CHST12: variants seen among roughly 807,000 people sequenced by gnomAD.
CHST12 encodes carbohydrate (chondroitin 4) sulfotransferase 12.
In CHST12, 23 loss-of-function variants were observed where a neutral mutation model predicts 27.9. The observed-to-expected ratio is 0.82, with a 90% confidence interval of 0.59 to 1.17. The LOEUF (loss-of-function observed/expected upper bound fraction) is 1.17, where lower values mean the gene tolerates loss of function less well. CHST12 is among the 50% of genes most tolerant of loss of function. CHST12 has a pLI of 0.00. For synonymous variants in CHST12, 322 were observed against 273.0 expected (o/e 1.18, Z -1.77); for missense variants, 682 against 603.0 (o/e 1.13, Z -1.37).
chr7:2,403,941 G>A (rs1781452331), intron 1 of CHST12, among the ~76,000 whole-genome samples: 1 of 152,114 alleles, frequency 6.6e-6, no homozygotes, highest in Non-Finnish European at 1.5e-5. Flanking sequence ...TGATCAGCGC[G>A]TTCTGCGGCT....
chr7:2,410,559 G>C (rs959361385), intron 1 of CHST12, among the ~76,000 whole-genome samples: 2 of 152,152 alleles, frequency 1.3e-5, no homozygotes, highest in Non-Finnish European at 2.9e-5. Flanking sequence ...CTGCTATGAA[G>C]AAAACCAGGG....
chr7:2,422,865 C>T (rs1782013809), intron 1 of CHST12, among the ~76,000 whole-genome samples: 1 of 148,302 alleles, frequency 6.7e-6, no homozygotes, highest in Non-Finnish European at 1.5e-5. Context: ...CTTCAGAAAA[C>T]CTTTTTTTTT....
chr7:2,411,513 C>T (rs1397164115), intron 1 of CHST12, among the ~76,000 whole-genome samples: 3 of 5,216 alleles, frequency 5.8e-4, no homozygotes, highest in African/African-American at 4.0e-3. Context: ...TTTTTTGAGA[C>T]GGAGTCTCAC....
Position 2,432,628 on chromosome 7 carries a change from G to T in CHST12, c.-12G>T. On this transcript the variant is annotated 5_prime_UTR_variant, in exon 2 of 2. Coordinates refer to ENST00000618655, the MANE Select transcript of CHST12 (RefSeq NM_018641.5). Reference sequence around the variant, plus strand: ...GAGAGGCCCGGAGAGGGCCCAGCCCGCCCGGGGCAGGATGACCAAGGCCCG... The same window carrying T: ...GAGAGGCCCGGAGAGGGCCCAGCCCTCCCGGGGCAGGATGACCAAGGCCCG... 1 of 1,598,970 alleles carries T rather than the reference G, an allele frequency of 6.3e-7. No homozygotes were observed. The highest frequency in any genetic ancestry group is 8.6e-7 in the Non-Finnish European group (1 of 1,169,414).
chr7:2,443,017 G>T lies in CHST12; in HGVS notation c.*9133G>T, dbSNP rs901691574. The T allele has an allele frequency of 1.3e-5, 2 of 152,110 alleles. No homozygotes were observed. The highest frequency in any genetic ancestry group is 2.9e-5 in the Non-Finnish European group (2 of 68,052). 9.4% of individuals were successfully genotyped at this position (152,110 alleles called of 1,614,324 possible). On this transcript the variant is annotated 3_prime_UTR_variant, in exon 2 of 2. Transcript: ENST00000618655. Reference sequence around the variant, plus strand: ...GCTCACTGCAACCCCTGCTTCCTGGGTTCAAGTGGTTCTCCTGCCTCAGCC... The same window carrying T: ...GCTCACTGCAACCCCTGCTTCCTGGTTTCAAGTGGTTCTCCTGCCTCAGCC...
chr7:2,424,675 C>CTG (rs1343441352), intron 1 of CHST12, among the ~76,000 whole-genome samples: 1 of 152,198 alleles, frequency 6.6e-6, no homozygotes, highest in Non-Finnish European at 1.5e-5. Context: ...ATTCACTGGG[C>CTG]TGACTGTGCT....
At position 2,436,816 on chromosome 7, in the gene CHST12, C is replaced by A. The variant is rs1782484912; in HGVS notation, c.*2932C>A. 1 of 152,214 alleles carries A rather than the reference C, an allele frequency of 6.6e-6. No individual in the cohort carries two copies. Among genetic ancestry groups the A allele is most frequent in the South Asian group, 2.1e-4 (1 of 4,832 alleles). 9.4% of individuals were successfully genotyped at this position (152,214 alleles called of 1,614,324 possible). On this transcript the variant is annotated 3_prime_UTR_variant, in exon 2 of 2. Transcript: ENST00000618655. Reference sequence around the variant, plus strand: ...TTTTCCTGAGCACCTGGGGTGTTTGCAGGGATGTGGAGGGGTTCCTGCAGA... The same window carrying A: ...TTTTCCTGAGCACCTGGGGTGTTTGAAGGGATGTGGAGGGGTTCCTGCAGA...
rs1296847532 is a variant in CHST12 at position 2,443,254 on chromosome 7, A to C, written c.*9370A>C. On this transcript the variant is annotated 3_prime_UTR_variant, in exon 2 of 2. Coordinates refer to ENST00000618655, the MANE Select transcript of CHST12 (RefSeq NM_018641.5). ...GTAGGTGGAATTATAGGCGTGTGCC[A>C]CCATGCCCAGCTAATTTTTGTATTT... 6.6e-6 allele frequency: 1 copy of C among 152,168 alleles called. No homozygotes were observed. Among genetic ancestry groups the C allele is most frequent in the Non-Finnish European group, 1.5e-5 (1 of 68,052 alleles). The allele number at this position is 152,168 out of a possible 1,614,324, so 9.4% of individuals were successfully genotyped here. A position where few individuals can be genotyped will look rare whatever the true frequency, so the allele number is the denominator to read the frequency against.
Position 2,441,842 on chromosome 7 carries a change from A to C in CHST12, c.*7958A>C, listed in dbSNP as rs1035808551. The stretch of plus-strand genomic sequence containing the variant: ...AATTGTGGTGGTGGTAATGGTTTTA[A>C]CTGGTGTTAATTTCAGTTCTTTTAA... On this transcript the variant is annotated 3_prime_UTR_variant, in exon 2 of 2. Coordinates refer to ENST00000618655, the MANE Select transcript of CHST12 (RefSeq NM_018641.5). 1.3e-5 allele frequency: 2 copies of C among 152,154 alleles called. No homozygotes were observed. The highest frequency in any genetic ancestry group is 2.9e-5 in the Non-Finnish European group (2 of 68,018). 9.4% of individuals were successfully genotyped at this position (152,154 alleles called of 1,614,324 possible).
chr7:2,418,835 C>T (rs1221283393), intron 1 of CHST12, among the ~76,000 whole-genome samples: 2 of 152,210 alleles, frequency 1.3e-5, no homozygotes, highest in African/African-American at 4.8e-5. Flanking sequence ...CTCACCCTGT[C>T]ACCCAGGCTG....
In CHST12 at chr7:2,438,857, G is replaced by T. The variant is rs2115457144; in HGVS notation, c.*4973G>T. 1 of 152,412 alleles carries T rather than the reference G, an allele frequency of 6.6e-6. No homozygotes were observed. Among genetic ancestry groups the T allele is most frequent in the East Asian group, 1.9e-4 (1 of 5,180 alleles). 9.4% of individuals were successfully genotyped at this position (152,412 alleles called of 1,614,324 possible). A position where few individuals can be genotyped will look rare whatever the true frequency, so the allele number is the denominator to read the frequency against. ...TGTCCCATGGTTGATACGGGACGGG[G>T]CTGATTTCCTGACCTGGACCCCTGA... On this transcript the variant is annotated 3_prime_UTR_variant, in exon 2 of 2. Transcript: ENST00000618655.
chr7:2,437,500 A>C lies in CHST12; in HGVS notation c.*3616A>C, dbSNP rs1172694992. On this transcript the variant is annotated 3_prime_UTR_variant, in exon 2 of 2. Coordinates refer to ENST00000618655, the MANE Select transcript of CHST12 (RefSeq NM_018641.5). ...TCATTCGCTGATACTTACAACCCCC[A>C]GTGGATATTTAGTGGAGTTTGCTGT... 1 of 152,156 alleles carries C rather than the reference A, an allele frequency of 6.6e-6. No individual in the cohort carries two copies. Among genetic ancestry groups the C allele is most frequent in the Admixed American group, 6.5e-5 (1 of 15,274 alleles). The allele number at this position is 152,156 out of a possible 1,614,324, so 9.4% of individuals were successfully genotyped here.
At chr7:2,415,689 T>G (rs1781787307) in intron 1 of CHST12, among the ~76,000 whole-genome samples, 2 of 151,068 alleles carry the variant, frequency 1.3e-5, no homozygotes. Context: ...CTTGGCTCAC[T>G]GCAAGCTCCG....
intron 1 of CHST12, among the ~76,000 whole-genome samples, chr7:2,427,992 A>G (rs1782172474): frequency 6.6e-6 from 1 of 151,412 alleles, no homozygotes; most frequent in African/African-American, 2.4e-5. Context: ...AATTTTTTGT[A>G]TTTTTAGTAG....
chr7:2,412,234 CAAAT>C (rs1453898857), intron 1 of CHST12, among the ~76,000 whole-genome samples: 1 of 152,118 alleles, frequency 6.6e-6, no homozygotes. Context: ...ATTGTATAAG[CAAAT>C]AAACCATAGT....
intron 1 of CHST12, among the ~76,000 whole-genome samples, chr7:2,422,249 CTT>C (rs1249680114): frequency 2.7e-5 from 4 of 145,824 alleles, no homozygotes; most frequent in Admixed American, 6.9e-5. Flanking sequence ...CTTTTTCTTT[CTT>C]TTTTTTTTTT....
rs1236187075 is a variant in CHST12, at chr7:2,433,562, T to A, written c.923T>A (p.Leu308Gln). The A allele has an allele frequency of 6.2e-7, 1 of 1,613,412 alleles. No homozygotes were observed. Among genetic ancestry groups the A allele is most frequent in the African/African-American group, 1.3e-5 (1 of 74,932 alleles). Residue 308 changes from leucine (L) to glutamine (Q), a missense_variant, in exon 2 of 2, where the codon CTG becomes CAG. Coordinates refer to ENST00000618655, the MANE Select transcript of CHST12 (RefSeq NM_018641.5). This position sits in a 1 kb window ranked among gnomAD's most constrained non-coding sequence, Gnocchi z 6.1. ...TTCGCCAACTTCATCCAGTACCTGC[T>A]GGACCCGCACACGGAGAAGCTGGCG... Reference protein sequence around the residue: ...VSFANFIQYLLDPHTEKLAPF... With the variant: ...VSFANFIQYLQDPHTEKLAPF...
In CHST12 at chr7:2,445,005, T is replaced by C. The variant is rs1209191306; in HGVS notation, c.*11121T>C. 6.6e-6 allele frequency: 1 copy of C among 152,222 alleles called. No homozygotes were observed. The highest frequency in any genetic ancestry group is 1.5e-5 in the Non-Finnish European group (1 of 68,052). The allele number at this position is 152,222 out of a possible 1,614,324, so 9.4% of individuals were successfully genotyped here. On this transcript the variant is annotated 3_prime_UTR_variant, in exon 2 of 2. Transcript: ENST00000618655. ...TCCAACGTGTCTTCCTTCCAGTAGGTTTCCAGAATATTTTGGTTTCAAAAT... is the reference window on the plus strand; with the variant it reads ...TCCAACGTGTCTTCCTTCCAGTAGGCTTCCAGAATATTTTGGTTTCAAAAT...
In CHST12 at chr7:2,421,395, A is replaced by G. The variant is rs146363216; in HGVS notation, c.-77-11168A>G. Among the ~76,000 whole-genome samples the G allele has an allele frequency of 1.1e-3, 153 of 145,560 alleles. 2 individuals are homozygous for G. The East Asian group carries it at 0.028, about 27-fold the overall frequency. ...TAAGTAGCTGAGACTACAGGCACACACTACCATGCCTGGCTAGTTTTTTAG... is the reference window on the plus strand; with the variant it reads ...TAAGTAGCTGAGACTACAGGCACACGCTACCATGCCTGGCTAGTTTTTTAG... On this transcript the variant is annotated intron_variant, in intron 1 of 1. Transcript: ENST00000618655.
Sources: gnomAD v4.1 joint callset for allele counts (sites outside exome capture counted in the v4.1 genomes callset) on GRCh38, gnomAD v4.1.1 for gene constraint, Gnocchi (gnomAD v3.1) non-coding constraint, MANE v1.5 for transcripts, NCBI Gene and HGNC (gene_info 2026-07-23, HGNC 2026-07-21) for gene names.